ZNF277: variants seen among roughly 807,000 people sequenced by gnomAD.
ZNF277 encodes zinc finger protein 277.
In ZNF277, 55 loss-of-function variants were observed where a neutral mutation model predicts 60.7. The observed-to-expected ratio is 0.91, with a 90% confidence interval of 0.73 to 1.13. ZNF277 has a LOEUF of 1.13. Ranked by LOEUF, ZNF277 falls within the 50% of genes most tolerant of loss-of-function variation. ZNF277 has a pLI of 0.00. For missense variants in ZNF277, 510 were observed against 523.0 expected, an observed-to-expected ratio of 0.98 and a Z score of 0.24; for synonymous variants, 178 against 179.3, an observed-to-expected ratio of 0.99 and a Z score of 0.06.
intron 1 of ZNF277, among the ~76,000 whole-genome samples, chr7:112,210,448 T>C (rs1443387955): frequency 2.1e-5 from 3 of 144,936 alleles, no homozygotes; most frequent in Non-Finnish European, 4.5e-5. Flanking sequence ...TTTTTGCTTT[T>C]TTTGTTTTTG....
chr7:112,257,424 C>G lies in ZNF277; in HGVS notation c.92-29449C>G, dbSNP rs565022644. Among the ~76,000 whole-genome samples, 6 of 152,254 alleles carry G rather than the reference C, an allele frequency of 3.9e-5. No individual in the cohort carries two copies. The South Asian group carries it at 1.0e-3, about 26-fold the overall frequency. ...CTATCTTAATGGGTGCTAGAGAGAA[C>G]TGGGTATAAAATGAATGTTTATAGC... is the stretch of plus-strand genomic sequence containing the variant. On this transcript the variant is annotated intron_variant, in intron 1 of 11. Coordinates refer to ENST00000361822, the MANE Select transcript of ZNF277 (RefSeq NM_021994.3).
At chr7:112,301,241 G>T (rs985838032) in intron 4 of ZNF277, among the ~76,000 whole-genome samples, 4 of 151,970 alleles carry the variant, frequency 2.6e-5, no homozygotes, top group Non-Finnish European at 5.9e-5. Flanking sequence ...GGGCTCAAGA[G>T]ATCCTCCTAC....
intron 1 of ZNF277, among the ~76,000 whole-genome samples, chr7:112,262,066 G>C (rs1264888827): frequency 6.6e-6 from 1 of 151,872 alleles, no homozygotes; most frequent in Non-Finnish European, 1.5e-5. Context: ...AGAAATTGGT[G>C]TTCCCTAACT....
chr7:112,310,105 G>T (rs1236670826), intron 4 of ZNF277, among the ~76,000 whole-genome samples: 2 of 151,954 alleles, frequency 1.3e-5, no homozygotes, highest in Non-Finnish European at 1.5e-5. Context: ...TAAGTCATTG[G>T]TCACATGGTT....
intron 4 of ZNF277, among the ~76,000 whole-genome samples, chr7:112,297,262 A>G (rs79806971): frequency 3.3e-4 from 50 of 152,120 alleles, no homozygotes; most frequent in African/African-American, 1.1e-3. Flanking sequence ...TCAGAAAGTA[A>G]TTTTTTAAAT....
chr7:112,286,735 C>T (rs1416764850), intron 1 of ZNF277, 138 bp from the exon 2 acceptor site: 2 of 705,180 alleles, frequency 2.8e-6, no homozygotes, highest in Middle Eastern at 4.0e-4. Context: ...CTCTCCAGCA[C>T]TATGTATTTT....
chr7:112,265,426 T>C (rs966773403), intron 1 of ZNF277, among the ~76,000 whole-genome samples: 2 of 152,154 alleles, frequency 1.3e-5, no homozygotes, highest in East Asian at 3.9e-4. Flanking sequence ...TGGGCGCAAT[T>C]TGTTAGCTCC....
intron 1 of ZNF277, among the ~76,000 whole-genome samples, chr7:112,270,934 C>T (rs1413474424): frequency 3.1e-5 from 4 of 129,076 alleles, no homozygotes; most frequent in Admixed American, 2.4e-4. Flanking sequence ...AAATACAAAA[C>T]ATATCCCAGC....
chr7:112,209,696 T>G (rs1418269657), intron 1 of ZNF277, among the ~76,000 whole-genome samples: 1 of 152,208 alleles, frequency 6.6e-6, no homozygotes, highest in Non-Finnish European at 1.5e-5. Flanking sequence ...TTTTCCAAAA[T>G]CTTTTCAAAG....
intron 2 of ZNF277, among the ~76,000 whole-genome samples, chr7:112,295,342 A>T (rs188844364): frequency 6.6e-6 from 1 of 152,208 alleles, no homozygotes; most frequent in African/African-American, 2.4e-5. Flanking sequence ...CAAAGTCTAA[A>T]TTTGCCTCAT....
At position 112,318,286 on chromosome 7, in the gene ZNF277, G is replaced by T. The variant is rs769455119; in HGVS notation, c.557+13G>T. The stretch of plus-strand genomic sequence containing the variant: ...TCCTTGGAAACAGGTTTGCCATTTT[G>T]CATCTTTAAATGTTACTGTTTTTAA... On this transcript the variant is annotated intron_variant, in intron 5 of 11. Transcript: ENST00000361822. 4 of 1,604,996 alleles carry T rather than the reference G, an allele frequency of 2.5e-6. No individual in the cohort carries two copies. The African/African-American group carries it at 4.0e-5, about 16-fold the overall frequency.
chr7:112,241,674 A>G (rs543184881), intron 1 of ZNF277, among the ~76,000 whole-genome samples: 6 of 152,172 alleles, frequency 3.9e-5, no homozygotes, highest in Non-Finnish European at 8.8e-5. Flanking sequence ...ATTCAGCCAT[A>G]AAAAGAATGA....
At chr7:112,260,760 A>T (rs190358500) in intron 1 of ZNF277, among the ~76,000 whole-genome samples, 24 of 152,264 alleles carry the variant, frequency 1.6e-4, no homozygotes, top group African/African-American at 5.3e-4. Flanking sequence ...CAGGAGTGGG[A>T]GGTGGGCTAG....
chr7:112,252,211 T>C (rs1406073379), intron 1 of ZNF277, among the ~76,000 whole-genome samples: 1 of 152,228 alleles, frequency 6.6e-6, no homozygotes, highest in African/African-American at 2.4e-5. Flanking sequence ...GAAAGTTCCA[T>C]TGATTTGCTT....
chr7:112,321,070 C>T lies in ZNF277; in HGVS notation c.557+2797C>T, dbSNP rs570562045. ...CCGAGTAGCTGGGACTACAGGCGCC[C>T]GCAACCACGCCCGGCAAATTTTTTG... On this transcript the variant is annotated intron_variant, in intron 5 of 11. Transcript: ENST00000361822. Among the ~76,000 whole-genome samples, 175 of 151,248 alleles carry T rather than the reference C, an allele frequency of 1.2e-3. 1 individual carries two copies. Among genetic ancestry groups the T allele is most frequent in the South Asian group, 1.3e-3 (6 of 4,770 alleles).
At chr7:112,310,626 A>G (rs1451716401) in intron 4 of ZNF277, among the ~76,000 whole-genome samples, 1 of 152,096 alleles carries the variant, frequency 6.6e-6, no homozygotes, top group Non-Finnish European at 1.5e-5. Context: ...TATAAGTGAA[A>G]TAATCCCAGA....
intron 1 of ZNF277, among the ~76,000 whole-genome samples, chr7:112,227,101 A>G (rs1410858266): frequency 6.6e-6 from 1 of 152,208 alleles, no homozygotes; most frequent in Non-Finnish European, 1.5e-5. Flanking sequence ...TCTTGTGGCA[A>G]TACGTTAGTG....
At chr7:112,309,302 A>G (rs1468893588) in intron 4 of ZNF277, among the ~76,000 whole-genome samples, 1 of 152,070 alleles carries the variant, frequency 6.6e-6, no homozygotes, top group East Asian at 1.9e-4. Flanking sequence ...TGGAAGAAAG[A>G]CAGATTCAAG....
chr7:112,275,850 T>C (rs1791779705), intron 1 of ZNF277, among the ~76,000 whole-genome samples: 3 of 152,194 alleles, frequency 2.0e-5, no homozygotes. Flanking sequence ...AGTTTCCCAC[T>C]TTTTTACCAA....
Sources: gnomAD v4.1 joint callset for allele counts (sites outside exome capture counted in the v4.1 genomes callset) on GRCh38, gnomAD v4.1.1 for gene constraint, MANE v1.5 for transcripts, NCBI Gene and HGNC (gene_info 2026-07-23, HGNC 2026-07-21) for gene names.